FREM3: variants seen among roughly 807,000 people sequenced by gnomAD.
FREM3 encodes the protein FRAS1 related extracellular matrix 3, also known as FRAS1-related extracellular matrix protein 3.
In FREM3, 105 loss-of-function variants were observed where a neutral mutation model predicts 129.1. The ratio of observed to expected loss-of-function variants is 0.81; its 90% confidence interval spans 0.69 to 0.96. The LOEUF is 0.96. Ranked by LOEUF, FREM3 falls within the 40% of genes least tolerant of loss-of-function variation. The pLI is 0.00. For missense variants in FREM3, 2,593 were observed against 2,666.3 expected (o/e 0.97, Z 0.61); for synonymous variants, 1,014 against 1,044.9 (o/e 0.97, Z 0.57).
chr4:143,660,709 C>T (rs1480229220), intron 2 of FREM3, among the ~76,000 whole-genome samples: 1 of 151,984 alleles, frequency 6.6e-6, no homozygotes, highest in Non-Finnish European at 1.5e-5. Context: ...ATTCTTCCTA[C>T]CCATGAGCAT....
rs535416301 is a variant in FREM3 at position 143,609,293 on chromosome 4, A to T, written c.6028+1986T>A. On this transcript the variant is annotated intron_variant, in intron 6 of 7. Transcript: ENST00000329798. ...CTATTACTAGCTCCAGTAGAGAAGA[A>T]TAACGAAGACTGTTCTGACGCCAAT... 6.6e-5 allele frequency among the ~76,000 whole-genome samples: 10 copies of T among 152,338 alleles called. No homozygotes were observed. In the South Asian group the frequency reaches 2.1e-3, roughly 32 times the overall value.
At chr4:143,679,332 C>G (rs1740207684) in intron 2 of FREM3, among the ~76,000 whole-genome samples, 1 of 152,146 alleles carries the variant, frequency 6.6e-6, no homozygotes, top group Non-Finnish European at 1.5e-5. Flanking sequence ...TCTTCTAAGA[C>G]TGATTCAATC....
intron 2 of FREM3, among the ~76,000 whole-genome samples, chr4:143,680,247 G>A: frequency 6.7e-6 from 1 of 148,240 alleles, no homozygotes; most frequent in Non-Finnish European, 1.5e-5. Context: ...TATGGAATAG[G>A]GAATAATGCA....
rs1479132806 is a variant in FREM3, at chr4:143,697,885, G to A, written c.2791C>T (p.Pro931Ser). 2.0e-6 allele frequency: 3 copies of A among 1,537,760 alleles called. No individual in the cohort carries two copies. The highest frequency in any genetic ancestry group is 2.6e-6 in the Non-Finnish European group (3 of 1,147,064). ...DGVHHIPITI[P>S]ISVHPNVANR... ...GCCACATTGGGATGCACAGAAATTG[G>A]GATGGTGATGGGTATATGGTGCACC... The change falls in exon 1 of 8, where the codon CCA (proline) becomes TCA (serine). Residue 931 changes from proline to serine, a missense_variant. Pro to Ser is a moderately conservative substitution (Grantham distance 74, BLOSUM62 -1). Transcript: ENST00000329798.
chr4:143,636,169 T>G (rs72940227), intron 2 of FREM3, among the ~76,000 whole-genome samples: 6,458 of 151,588 alleles, frequency 0.043, 383 homozygotes, highest in African/African-American at 0.13. Flanking sequence ...TTTTGTTTTT[T>G]TTTTTAAACT....
intron 2 of FREM3, 140 bp downstream of exon 2, chr4:143,692,973 G>T: frequency 2.3e-6 from 1 of 436,580 alleles, no homozygotes. Context: ...GAATTAATTT[G>T]TTTGTATTAT....
Position 143,699,980 on chromosome 4 carries a change from G to A in FREM3, c.696C>T (p.Ala232=), listed in dbSNP as rs1740663309. Residue 232 remains alanine (A), a synonymous_variant, in exon 1 of 8, where the codon GCC becomes GCT. Transcript: ENST00000329798. This position sits in a 1 kb window ranked among gnomAD's most constrained non-coding sequence, Gnocchi z 4.2. Reference sequence around the variant, plus strand: ...CTACGCCCTTGCCCCTGGGGAGAGGGGCCCCCACCGCGTCCACCAAGCGCC... The same window carrying A: ...CTACGCCCTTGCCCCTGGGGAGAGGAGCCCCCACCGCGTCCACCAAGCGCC... ...KYGRLVDAVG[A]PLPRGKGVDC... 4 of 1,503,072 alleles carry A rather than the reference G, an allele frequency of 2.7e-6. No homozygotes were observed. The highest frequency in any genetic ancestry group is 3.5e-6 in the Non-Finnish European group (4 of 1,127,780). 93.1% of individuals were successfully genotyped at this position (1,503,072 alleles called of 1,614,324 possible).
chr4:143,617,985 C>A (rs1018092), intron 5 of FREM3, among the ~76,000 whole-genome samples: 52,173 of 151,984 alleles, frequency 0.34, 10,338 homozygotes, highest in Middle Eastern at 0.47. Flanking sequence ...GTCCAGCAGA[C>A]AATGGTGCTA....
chr4:143,580,854 CTGCCTTATGGAGAAATAGACTGTT>C (rs559669826), intron 7 of FREM3, among the ~76,000 whole-genome samples: 1 of 152,294 alleles, frequency 6.6e-6, no homozygotes, highest in South Asian at 2.1e-4. Flanking sequence ...CACAGCACAG[CTGCCTTATGGAGAAATAGACTGTT>C]TTCCCCATGA....
intron 6 of FREM3, among the ~76,000 whole-genome samples, chr4:143,610,699 G>C (rs543765414): frequency 1.1e-3 from 175 of 152,284 alleles, no homozygotes; most frequent in Non-Finnish European, 1.9e-3. Flanking sequence ...TGAGACCTAG[G>C]AAAGTCATAC....
intron 5 of FREM3, among the ~76,000 whole-genome samples, chr4:143,616,183 A>G (rs1738840677): frequency 6.6e-6 from 1 of 152,250 alleles, no homozygotes; most frequent in Admixed American, 6.5e-5. Flanking sequence ...TAATAACTTT[A>G]AAATGCTAGG....
chr4:143,695,765 G>C lies in FREM3; in HGVS notation c.4911C>G (p.Asp1637Glu). The C allele has an allele frequency of 6.5e-7, 1 of 1,537,278 alleles. No individual in the cohort carries two copies. Among genetic ancestry groups the C allele is most frequent in the Non-Finnish European group, 8.7e-7 (1 of 1,146,926 alleles). The change falls in exon 1 of 8, where the codon GAC becomes GAG. Residue 1637 changes from aspartate (D) to glutamate (E), a missense_variant. Around this residue, in one of 2 missense-constraint regions of FREM3, gnomAD observed 2,276 missense variants for 2,267.2 expected, o/e 1.00. Transcript: ENST00000329798. ...GAGGTTTGTGTGTCGCCAGGGCAGT[G>C]TCTGGTAGGACATAGAAATCAGTGT... Reference protein sequence around the residue: ...GTHTDFYVLPDTALATHKPQV... With the variant: ...GTHTDFYVLPETALATHKPQV...
At chr4:143,683,073 A>C (rs1474173560) in intron 2 of FREM3, among the ~76,000 whole-genome samples, 1 of 152,208 alleles carries the variant, frequency 6.6e-6, no homozygotes, top group Admixed American at 6.5e-5. Flanking sequence ...AGTCTATAGA[A>C]GCTGGAAAAG....
intron 5 of FREM3, among the ~76,000 whole-genome samples, chr4:143,612,079 G>A (rs1292865832): frequency 1.3e-5 from 2 of 152,188 alleles, no homozygotes; most frequent in Non-Finnish European, 2.9e-5. Flanking sequence ...GATTCAGTGT[G>A]TTTTAAATGT....
chr4:143,595,454 G>A (rs775649182), intron 6 of FREM3, among the ~76,000 whole-genome samples: 3 of 152,182 alleles, frequency 2.0e-5, no homozygotes, highest in Non-Finnish European at 4.4e-5. Context: ...CATCCCCTAT[G>A]TGCTGTAAGC....
rs1351213552 is a variant in FREM3 at position 143,577,803 on chromosome 4, G to A, written c.6228C>T (p.Gly2076=). Residue 2076 remains glycine, a synonymous_variant, in exon 8 of 8, where the codon GGC becomes GGT. Coordinates refer to ENST00000329798, the MANE Select transcript of FREM3 (RefSeq NM_001168235.2). ...GISRNLDFAP[G]VRMQTFQVTI... Reference sequence around the variant, plus strand: ...TCACTTGGAATGTCTGCATGCGCACGCCTGGAGCAAAGTCCAGGTTTCGGC... The same window carrying A: ...TCACTTGGAATGTCTGCATGCGCACACCTGGAGCAAAGTCCAGGTTTCGGC... 11 of 1,537,220 alleles carry A rather than the reference G, an allele frequency of 7.2e-6. No individual in the cohort carries two copies. The highest frequency in any genetic ancestry group is 1.7e-4 in the Middle Eastern group (1 of 5,982).
At chr4:143,592,142 G>A (rs527654972) in intron 6 of FREM3, among the ~76,000 whole-genome samples, 15 of 152,240 alleles carry the variant, frequency 9.9e-5, no homozygotes, top group South Asian at 2.1e-4. Context: ...GTCTCTGCAC[G>A]TGAGATGGGT....
At chr4:143,622,864 G>A (rs1394241292) in intron 4 of FREM3, among the ~76,000 whole-genome samples, 1 of 152,022 alleles carries the variant, frequency 6.6e-6, no homozygotes, top group African/African-American at 2.4e-5. Flanking sequence ...TTCATTACTT[G>A]GGACCATGAT....
intron 6 of FREM3, among the ~76,000 whole-genome samples, chr4:143,593,374 C>A (rs1297658094): frequency 1.3e-5 from 2 of 150,288 alleles, no homozygotes; most frequent in East Asian, 1.9e-4. Context: ...TTTTATCTAC[C>A]TTTGGTCTTT....
Sources: allele counts gnomAD v4.1 joint callset (sites outside exome capture counted in the v4.1 genomes callset), GRCh38; gene constraint gnomAD v4.1.1; regional missense constraint gnomAD v4.1.1; non-coding constraint Gnocchi (gnomAD v3.1); transcripts MANE v1.5; gene names NCBI Gene and HGNC (gene_info 2026-07-23, HGNC 2026-07-21).